Variants in SEC14L1 observed in about 807,000 individuals in gnomAD.
The protein encoded by SEC14L1 is SEC14-like protein 1.
SEC14L1 carries 48 observed loss-of-function variants against 85.3 expected under a neutral mutation model. The ratio of observed to expected loss-of-function variants is 0.56; its 90% CI spans 0.45 to 0.72. The LOEUF (loss-of-function observed/expected upper bound fraction) is 0.72, where lower values mean the gene tolerates loss of function less well. SEC14L1 is among the 30% of genes least tolerant of loss of function. The pLI, the probability that SEC14L1 is intolerant of heterozygous loss-of-function variation, is 0.00. For synonymous variants in SEC14L1, 391 were observed against 355.5 expected (o/e 1.10, Z -1.12); for missense variants, 682 against 921.4 (o/e 0.74, Z 3.36).
chr17:77,213,490 C>G lies in SEC14L1; in HGVS notation c.2040C>G (p.Phe680Leu), dbSNP rs547610274. 1 of 1,606,790 alleles carries G rather than the reference C, an allele frequency of 6.2e-7. No individual in the cohort carries two copies. The highest frequency in any genetic ancestry group is 2.2e-5 in the East Asian group (1 of 44,856). ...CCGAGGTGATCGGCTCGGAGGATTT[C>G]AGGTGCGGCCACCCTCGCCACAGCA... ...YYTEVIGSED[F>L]RGSMTSLESS... Residue 680 changes from phenylalanine (F) to leucine (L), a missense_variant and splice_region_variant, in exon 16 of 17, where the codon TTC becomes TTG. Transcript: ENST00000436233. The surrounding 1 kb of genome is among the most constrained non-coding windows in gnomAD (Gnocchi z 7.1).
intron 5 of SEC14L1, among the ~76,000 whole-genome samples, chr17:77,192,356 A>G (rs1975586804): frequency 6.6e-6 from 1 of 152,164 alleles, no homozygotes; most frequent in South Asian, 2.1e-4. Context: ...TATTTAAAGT[A>G]TGTCAGATTA....
intron 3 of SEC14L1, among the ~76,000 whole-genome samples, chr17:77,163,427 AG>A (rs1448302141): frequency 1.6e-5 from 1 of 61,288 alleles, no homozygotes; most frequent in Non-Finnish European, 3.6e-5. Flanking sequence ...AAACTTCACT[AG>A]TACCAATGAG....
chr17:77,143,710 C>T (rs1973155636), intron 3 of SEC14L1, 51 bp downstream of exon 3: 1 of 1,318,676 alleles, frequency 7.6e-7, no homozygotes, highest in African/African-American at 1.4e-5. Flanking sequence ...TTATAAAGTA[C>T]AGTGTTAGAA....
upstream of SEC14L1, among the ~76,000 whole-genome samples, chr17:77,136,279 C>G (rs1342252768): frequency 6.7e-6 from 1 of 150,306 alleles, no homozygotes; most frequent in Non-Finnish European, 1.5e-5. Context: ...TTTTCTCTCT[C>G]TCTTCCTTTC....
chr17:77,216,526 C>A lies in SEC14L1; in HGVS notation c.*2503C>A, dbSNP rs1238638225. 1.2e-6 allele frequency: 2 copies of A among 1,613,054 alleles called. No homozygotes were observed. The highest frequency in any genetic ancestry group is 2.7e-5 in the African/African-American group (2 of 74,762). On this transcript the variant is annotated 3_prime_UTR_variant, in exon 17 of 17. Coordinates refer to ENST00000436233, the MANE Select transcript of SEC14L1 (RefSeq NM_001143998.2). ...GGCCTGAAGGTGGTCCCTGCTTTCT[C>A]TTTCTCTTTCTCTGTGTCTCAGATG...
chr17:77,116,266 G>A (rs905931592), intron 3 of SEC14L1, among the ~76,000 whole-genome samples: 1 of 152,130 alleles, frequency 6.6e-6, no homozygotes, highest in Non-Finnish European at 1.5e-5. Context: ...TGATTTAAAC[G>A]TTTTAGGGGT....
chr17:77,154,848 T>C (rs1421032422), intron 3 of SEC14L1, among the ~76,000 whole-genome samples: 2 of 152,224 alleles, frequency 1.3e-5, no homozygotes, highest in East Asian at 1.9e-4. Flanking sequence ...TGTATTTCAG[T>C]AGATGGCTGC....
chr17:77,183,259 AT>A (rs1975119144), intron 3 of SEC14L1, among the ~76,000 whole-genome samples: 1 of 152,234 alleles, frequency 6.6e-6, no homozygotes, highest in South Asian at 2.1e-4. Context: ...AGTAATGCTC[AT>A]TTTTTAAAAA....
chr17:77,154,566 G>A (rs1424003219), intron 3 of SEC14L1, among the ~76,000 whole-genome samples: 2 of 152,092 alleles, frequency 1.3e-5, no homozygotes, highest in East Asian at 3.8e-4. Context: ...TTTGGGATTG[G>A]AGGGACATCC....
At chr17:77,105,369 GA>G (rs1971885383) in intron 3 of SEC14L1, among the ~76,000 whole-genome samples, 1 of 40,508 alleles carries the variant, frequency 2.5e-5, no homozygotes, top group African/African-American at 8.2e-5. Flanking sequence ...GCTCCTCGCT[GA>G]CCACCCCCCC....
At position 77,092,951 on chromosome 17, in the gene SEC14L1, CAAAAAAA is replaced by C. The variant is rs35244244; in HGVS notation, c.-239-277_-239-271del. The stretch of plus-strand genomic sequence containing the variant: ...GGCTAAAAAGAGTGAAACTCCGTCT[CAAAAAAA>C]AAAAAAAAAAAAAAAGAAAGGGAAA... On this transcript the variant is annotated intron_variant, in intron 2 of 19. Coordinates refer to the SEC14L1 transcript ENST00000392476. Among the ~76,000 whole-genome samples, 10 of 84,448 alleles carry C rather than the reference CAAAAAAA, an allele frequency of 1.2e-4. No individual in the cohort carries two copies. The South Asian group carries it at 1.6e-3, about 14-fold the overall frequency. The allele number at this position is 84,448 out of a possible 152,430, so 55.4% of individuals were successfully genotyped here.
chr17:77,118,387 C>T (rs1325179510), intron 3 of SEC14L1, among the ~76,000 whole-genome samples: 1 of 152,210 alleles, frequency 6.6e-6, no homozygotes, highest in African/African-American at 2.4e-5. Context: ...GTTCAGTAGG[C>T]ACATATGGAG....
chr17:77,191,998 T>C (rs1975566318), intron 5 of SEC14L1, among the ~76,000 whole-genome samples: 1 of 151,900 alleles, frequency 6.6e-6, no homozygotes, highest in Admixed American at 6.6e-5. Context: ...GGTTTCACCA[T>C]GTTGGCCAGG....
At chr17:77,191,078 C>A in intron 4 of SEC14L1, 103 bp from the exon 5 acceptor site, 2 of 1,508,554 alleles carry the variant, frequency 1.3e-6, no homozygotes, top group African/African-American at 1.4e-5. Flanking sequence ...AGGGAGAGGG[C>A]GTCCTGGAGG....
intron 3 of SEC14L1, among the ~76,000 whole-genome samples, chr17:77,186,376 C>A (rs1231505787): frequency 1.3e-5 from 2 of 152,244 alleles, no homozygotes; most frequent in Non-Finnish European, 2.9e-5. Flanking sequence ...GACCCTGGCA[C>A]GCTTTGAGGC....
intron 3 of SEC14L1, among the ~76,000 whole-genome samples, chr17:77,157,833 T>C (rs147391764): frequency 2.2e-4 from 33 of 149,224 alleles, no homozygotes; most frequent in East Asian, 1.8e-3. Flanking sequence ...GCCATAACTT[T>C]TATTTAAAAG....
At chr17:77,143,834 C>G in intron 3 of SEC14L1, 175 bp downstream of exon 3, 1 of 445,448 alleles carries the variant, frequency 2.2e-6, no homozygotes, top group Non-Finnish European at 3.9e-6. Flanking sequence ...ATACAAGCCT[C>G]TGAAAATAAA....
chr17:77,130,009 G>C (rs1165913207), intron 3 of SEC14L1: 1 of 152,154 alleles, frequency 6.6e-6, no homozygotes, highest in Non-Finnish European at 1.5e-5. Flanking sequence ...AAACAAACAA[G>C]CCAAAAAGAA....
At chr17:77,139,236 G>A (rs575003546), upstream of SEC14L1, among the ~76,000 whole-genome samples, 589 of 149,476 alleles carry the variant, frequency 3.9e-3, 2 homozygotes, top group African/African-American at 0.013. Context: ...GGCAGGTGGC[G>A]TGATCTTGCC....
Sources: allele counts gnomAD v4.1 joint callset (sites outside exome capture counted in the v4.1 genomes callset), GRCh38; gene constraint gnomAD v4.1.1; non-coding constraint Gnocchi (gnomAD v3.1); transcripts MANE v1.5; gene names NCBI Gene and HGNC (gene_info 2026-07-23, HGNC 2026-07-21).